The following TCAF1 variants were observed in gnomAD, a reference collection of about 807,000 sequenced individuals.
TCAF1 encodes the protein TRPM8 channel associated factor 1, also known as TRPM8 channel-associated factor 1.
In TCAF1, 4 loss-of-function variants were observed where a neutral mutation model predicts 27.3. The ratio of observed to expected loss-of-function variants is 0.15; its 90% confidence interval spans 0.07 to 0.34. The LOEUF is 0.34. Among genes scored for constraint, TCAF1 ranks in the 10% least tolerant of loss-of-function variants. TCAF1 has a pLI of 1.00. For missense variants in TCAF1, 257 were observed against 425.8 expected (o/e 0.60, Z 3.49); for synonymous variants, 105 against 167.1 (o/e 0.63, Z 2.87).
chr7:143,901,248 CCGATGGTTGGCTGGT>C (rs1440419301), intron 1 of TCAF1, among the ~76,000 whole-genome samples: 1 of 152,180 alleles, frequency 6.6e-6, no homozygotes, highest in Non-Finnish European at 1.5e-5. Context: ...AAGTGATGGA[CCGATGGTTGGCTGGT>C]CAGCTAGACA....
intron 1 of TCAF1, among the ~76,000 whole-genome samples, chr7:143,889,500 T>C (rs910430266): frequency 6.6e-6 from 1 of 152,124 alleles, no homozygotes; most frequent in Non-Finnish European, 1.5e-5. Flanking sequence ...AGAAGAACTT[T>C]CAATGGAGAT....
intron 1 of TCAF1, among the ~76,000 whole-genome samples, chr7:143,895,046 C>T (rs903167270): frequency 6.6e-6 from 1 of 151,658 alleles, no homozygotes; most frequent in South Asian, 2.1e-4. Context: ...ATCCATTTCA[C>T]GTGGCTAAAA....
chr7:143,897,064 T>C (rs1217088229), intron 1 of TCAF1, among the ~76,000 whole-genome samples: 2 of 145,990 alleles, frequency 1.4e-5, no homozygotes, highest in Admixed American at 1.4e-4. Context: ...GCCATATCAA[T>C]AGATAATGGA....
At chr7:143,859,986 TA>T (rs1277394333) in intron 6 of TCAF1, among the ~76,000 whole-genome samples, 20 of 24,670 alleles carry the variant, frequency 8.1e-4, no homozygotes, top group African/African-American at 1.7e-3. Flanking sequence ...ATATATTATA[TA>T]ATATATATTA....
At chr7:143,882,846 G>C (rs1411759739) in intron 1 of TCAF1, 3 of 985,678 alleles carry the variant, frequency 3.0e-6, no homozygotes, top group Non-Finnish European at 3.6e-6. Flanking sequence ...CGACCGAGCC[G>C]GGATTTGGGA....
intron 1 of TCAF1, among the ~76,000 whole-genome samples, chr7:143,899,502 A>T (rs1050972563): frequency 6.6e-6 from 1 of 152,248 alleles, no homozygotes; most frequent in African/African-American, 2.4e-5. Context: ...ATGTGGATTA[A>T]GACTAATTGC....
intron 2 of TCAF1, among the ~76,000 whole-genome samples, chr7:143,875,418 C>T (rs901379829): frequency 6.6e-6 from 1 of 152,288 alleles, no homozygotes; most frequent in South Asian, 2.1e-4. Context: ...AGTGCAGGCT[C>T]TCCTGCACCC....
Position 143,851,385 on chromosome 7 carries a change from T to A in TCAF1, c.*2748A>T, listed in dbSNP as rs1811271624. On this transcript the variant is annotated 3_prime_UTR_variant, in exon 9 of 9. Coordinates refer to ENST00000479870, the MANE Select transcript of TCAF1 (RefSeq NM_014719.3). ...ATGTGAAGTCACTGGAAGATTTTTA[T>A]TTGGGTTTATTAAAAATTTTTTCAA... The A allele has an allele frequency of 2.0e-5, 3 of 152,310 alleles. No individual in the cohort carries two copies. Among genetic ancestry groups the A allele is most frequent in the Non-Finnish European group, 4.4e-5 (3 of 68,074 alleles). The allele number at this position is 152,310 out of a possible 1,614,324, so 9.4% of individuals were successfully genotyped here. A position where few individuals can be genotyped will look rare whatever the true frequency, so the allele number is the denominator to read the frequency against.
At chr7:143,895,374 C>T (rs1227961129) in intron 1 of TCAF1, among the ~76,000 whole-genome samples, 1 of 151,764 alleles carries the variant, frequency 6.6e-6, no homozygotes, top group Non-Finnish European at 1.5e-5. Flanking sequence ...AGAATCTCAT[C>T]GACCTAAAAC....
Position 143,876,605 on chromosome 7 carries a change from C to CAT in TCAF1, c.3_4insAT (p.Ala2MetfsTer12). The CAT allele has an allele frequency of 6.6e-7, 1 of 1,504,656 alleles. No individual in the cohort carries two copies. Among genetic ancestry groups the CAT allele is most frequent in the East Asian group, 2.3e-5 (1 of 43,902 alleles). 93.2% of individuals were successfully genotyped at this position (1,504,656 alleles called of 1,614,324 possible). A position where few individuals can be genotyped will look rare whatever the true frequency, so the allele number is the denominator to read the frequency against. On this transcript the variant is annotated frameshift_variant, in exon 2 of 9. Coordinates refer to ENST00000479870, the MANE Select transcript of TCAF1 (RefSeq NM_014719.3). LOFTEE classifies it high-confidence loss of function. ...GCCTCGAAGGCAGCAGAGGGAGTCG[C>CAT]CATGGCTCTATTGGTTTCTGCAGAG...
chr7:143,869,003 G>GTTT (rs71168730), intron 2 of TCAF1, among the ~76,000 whole-genome samples: 12 of 64,358 alleles, frequency 1.9e-4, no homozygotes, highest in Non-Finnish European at 2.6e-4. Context: ...TTTTCTTTTG[G>GTTT]TTTTTTTTTT....
At chr7:143,860,050 T>TAATATAC (rs1811939059) in intron 6 of TCAF1, among the ~76,000 whole-genome samples, 158 bp downstream of exon 6, 1 of 84,810 alleles carries the variant, frequency 1.2e-5, no homozygotes, top group African/African-American at 4.9e-5. Context: ...ATATAATATA[T>TAATATAC]ATTATATATA....
intron 1 of TCAF1, among the ~76,000 whole-genome samples, chr7:143,894,440 C>T (rs1813783940): frequency 6.6e-6 from 1 of 151,748 alleles, no homozygotes; most frequent in Admixed American, 6.6e-5. Context: ...GAATATTACT[C>T]AATGAACATA....
At chr7:143,880,616 A>T (rs1812961006) in intron 1 of TCAF1, among the ~76,000 whole-genome samples, 1 of 152,212 alleles carries the variant, frequency 6.6e-6, no homozygotes, top group Non-Finnish European at 1.5e-5. Flanking sequence ...ACACACATTA[A>T]AAGATTAGGT....
intron 1 of TCAF1, among the ~76,000 whole-genome samples, chr7:143,892,315 T>C (rs538299084): frequency 3.9e-5 from 6 of 152,078 alleles, no homozygotes; most frequent in Non-Finnish European, 8.8e-5. Flanking sequence ...TGAGAATACA[T>C]AGAAGTAATA....
chr7:143,884,414 G>A (rs6980105), intron 1 of TCAF1, among the ~76,000 whole-genome samples: 56,482 of 151,850 alleles, frequency 0.37, 10,891 homozygotes, highest in African/African-American at 0.48. Context: ...ATTCTGCCAA[G>A]TCAAGGCCCA....
chr7:143,893,895 G>T (rs901853420), intron 1 of TCAF1, among the ~76,000 whole-genome samples: 9 of 151,480 alleles, frequency 5.9e-5, no homozygotes, highest in Admixed American at 2.0e-4. Context: ...GTAAATCAGA[G>T]AATATAATAA....
chr7:143,882,258 G>A lies in TCAF1; in HGVS notation c.-14-5636C>T, dbSNP rs549691321. Among the ~76,000 whole-genome samples, 5 of 151,568 alleles carry A rather than the reference G, an allele frequency of 3.3e-5. No individual in the cohort carries two copies. The East Asian group carries it at 9.8e-4, about 30-fold the overall frequency. ...AGTCTCCAGGGGCCAGTGCCAGTGG[G>A]AGATAGAGCTCAGTCCCAAAGCCAG... On this transcript the variant is annotated intron_variant, in intron 1 of 8. Transcript: ENST00000479870.
chr7:143,888,862 A>C (rs1227533542), intron 1 of TCAF1, among the ~76,000 whole-genome samples: 1 of 152,230 alleles, frequency 6.6e-6, no homozygotes. Context: ...GAAACAGGCA[A>C]AATTTAGATA....
Sources: allele counts gnomAD v4.1 joint callset (sites outside exome capture counted in the v4.1 genomes callset), GRCh38; gene constraint gnomAD v4.1.1; transcripts MANE v1.5; gene names NCBI Gene and HGNC (gene_info 2026-07-23, HGNC 2026-07-21).